The following GBE1 variants were observed in gnomAD, a reference collection of about 807,000 sequenced individuals.
GBE1 encodes 1,4-alpha-glucan-branching enzyme.
GBE1 carries 70 observed loss-of-function variants against 88.8 expected under a neutral mutation model. The observed-to-expected ratio is 0.79, with a 90% CI of 0.65 to 0.96. The LOEUF is 0.96. Ranked by LOEUF, GBE1 falls within the 40% of genes least tolerant of loss-of-function variation. The probability of loss-of-function intolerance (pLI) is 0.00; values close to 1 mark genes in which losing one functional copy is unlikely to be tolerated. For missense variants in GBE1, 872 were observed against 871.0 expected (o/e 1.00, Z -0.01); for synonymous variants, 284 against 300.1 (o/e 0.95, Z 0.56).
chr3:81,643,481 G>A (rs932907515), intron 6 of GBE1, among the ~76,000 whole-genome samples: 3 of 152,164 alleles, frequency 2.0e-5, no homozygotes, highest in East Asian at 1.9e-4. Flanking sequence ...AATGTGCCAC[G>A]TTTGTCACCA....
intron 2 of GBE1, among the ~76,000 whole-genome samples, chr3:81,681,400 G>A (rs1705339847): frequency 6.6e-6 from 1 of 152,092 alleles, no homozygotes; most frequent in Non-Finnish European, 1.5e-5. Context: ...GTTTCAGCAT[G>A]TATTTGAGGT....
intron 2 of GBE1, among the ~76,000 whole-genome samples, chr3:81,690,068 C>T (rs1705497768): frequency 1.3e-5 from 2 of 152,156 alleles, no homozygotes; most frequent in Non-Finnish European, 2.9e-5. Flanking sequence ...GGTCCACTAA[C>T]AAACATTATA....
intron 1 of GBE1, among the ~76,000 whole-genome samples, chr3:81,742,096 T>C (rs1442885035): frequency 1.3e-5 from 2 of 151,968 alleles, no homozygotes; most frequent in Admixed American, 6.6e-5. Context: ...CTAGATTATG[T>C]CATTATAGCC....
chr3:81,753,281 C>A (rs975890282), intron 1 of GBE1, among the ~76,000 whole-genome samples: 2 of 152,048 alleles, frequency 1.3e-5, no homozygotes, highest in African/African-American at 4.8e-5. Context: ...CAAAGGAGCC[C>A]TGGATTCAAA....
intron 7 of GBE1, among the ~76,000 whole-genome samples, chr3:81,600,933 T>C (rs1704025066): frequency 1.3e-5 from 2 of 152,060 alleles, no homozygotes; most frequent in South Asian, 4.2e-4. Flanking sequence ...TGTGTGTGTG[T>C]TCTAGGAGTG....
chr3:81,551,004 A>T (rs372992723), intron 12 of GBE1, among the ~76,000 whole-genome samples: 2 of 152,130 alleles, frequency 1.3e-5, no homozygotes, highest in East Asian at 3.9e-4. Flanking sequence ...TGGGGTCTGT[A>T]TAGGGACCCT....
At chr3:81,727,802 A>G (rs1706133409) in intron 1 of GBE1, among the ~76,000 whole-genome samples, 1 of 152,212 alleles carries the variant, frequency 6.6e-6, no homozygotes, top group South Asian at 2.1e-4. Context: ...AAATAAATTC[A>G]TGCTGAATAA....
At chr3:81,563,052 T>C (rs1224076692) in intron 12 of GBE1, among the ~76,000 whole-genome samples, 1 of 152,072 alleles carries the variant, frequency 6.6e-6, no homozygotes, top group Non-Finnish European at 1.5e-5. Flanking sequence ...CTACGTTCTA[T>C]GAGATGACAG....
chr3:81,653,262 G>C (rs529988404), intron 3 of GBE1, among the ~76,000 whole-genome samples: 1 of 152,102 alleles, frequency 6.6e-6, no homozygotes, highest in Non-Finnish European at 1.5e-5. Flanking sequence ...TCAGGAATTT[G>C]AGACCAGCCT....
chr3:81,698,865 A>G (rs926875750), intron 2 of GBE1, among the ~76,000 whole-genome samples: 1 of 152,242 alleles, frequency 6.6e-6, no homozygotes, highest in African/African-American at 2.4e-5. Context: ...TCCATTGTAC[A>G]TATACTCCAT....
chr3:81,714,157 A>G (rs1024610539), intron 1 of GBE1, among the ~76,000 whole-genome samples: 3 of 152,294 alleles, frequency 2.0e-5, no homozygotes, highest in African/African-American at 4.8e-5. Context: ...AAAATTATCT[A>G]TTTTGAACCC....
At chr3:81,641,987 T>G (rs2107057926) in intron 7 of GBE1, among the ~76,000 whole-genome samples, 1 of 150,846 alleles carries the variant, frequency 6.6e-6, no homozygotes, top group African/African-American at 2.4e-5. Flanking sequence ...TATTATACAT[T>G]ACTTGATACT....
In GBE1 at chr3:81,685,724, T is replaced by C. The variant is rs1705427485; in HGVS notation, c.314-14771A>G. On this transcript the variant is annotated intron_variant, in intron 2 of 15. Coordinates refer to ENST00000429644, the MANE Select transcript of GBE1 (RefSeq NM_000158.4). ...TCTCTTTTGTACATTTTTTTTCTAATGTTCTGATGTTTTCAAACATGCCCT... is the reference window on the plus strand; with the variant it reads ...TCTCTTTTGTACATTTTTTTTCTAACGTTCTGATGTTTTCAAACATGCCCT... 5.3e-5 allele frequency among the ~76,000 whole-genome samples: 8 copies of C among 152,188 alleles called. No individual in the cohort carries two copies. The South Asian group carries it at 1.7e-3, about 32-fold the overall frequency.
At chr3:81,518,354 C>A (rs575625153) in intron 14 of GBE1, among the ~76,000 whole-genome samples, 2 of 141,960 alleles carry the variant, frequency 1.4e-5, no homozygotes, top group Non-Finnish European at 3.2e-5. Flanking sequence ...GGCCCCTGGT[C>A]CCCCTTCAAG....
chr3:81,739,759 C>A (rs1020465518), intron 1 of GBE1, among the ~76,000 whole-genome samples: 25 of 152,112 alleles, frequency 1.6e-4, no homozygotes, highest in Non-Finnish European at 2.8e-4. Flanking sequence ...GCCAATTTTA[C>A]CTTGGCTTAT....
rs897989760 is a variant in GBE1 at position 81,761,640 on chromosome 3, A to G, written c.-123T>C. On this transcript the variant is annotated 5_prime_UTR_variant, in exon 1 of 16. Coordinates refer to ENST00000429644, the MANE Select transcript of GBE1 (RefSeq NM_000158.4). ...GGAGGGCGCCTAGGCGTGTCGAGGC[A>G]AGCCGAGGCGAGCCGCGGCGGTCCG... 4.8e-6 allele frequency: 6 copies of G among 1,260,408 alleles called. No individual in the cohort carries two copies. The highest frequency in any genetic ancestry group is 5.0e-5 in the Admixed American group (2 of 40,076). The allele number at this position is 1,260,408 out of a possible 1,614,324, so 78.1% of individuals were successfully genotyped here. A position where few individuals can be genotyped will look rare whatever the true frequency, so the allele number is the denominator to read the frequency against.
chr3:81,524,078 G>C (rs1460208712), intron 14 of GBE1, among the ~76,000 whole-genome samples: 1 of 151,780 alleles, frequency 6.6e-6, no homozygotes, highest in Non-Finnish European at 1.5e-5. Flanking sequence ...TCTCCATACT[G>C]TTCTCCATAC....
intron 1 of GBE1, among the ~76,000 whole-genome samples, chr3:81,715,099 G>C (rs193031731): frequency 3.9e-5 from 6 of 152,214 alleles, no homozygotes; most frequent in Admixed American, 2.6e-4. Flanking sequence ...AGGCTCCAAA[G>C]GACAAACTTT....
intron 1 of GBE1, among the ~76,000 whole-genome samples, chr3:81,720,003 C>G (rs1706000200): frequency 1.3e-5 from 2 of 151,994 alleles, no homozygotes; most frequent in South Asian, 4.1e-4. Context: ...ATAGGACACA[C>G]TACATTAAAA....
Sources: gnomAD v4.1 joint callset for allele counts (sites outside exome capture counted in the v4.1 genomes callset) on GRCh38, gnomAD v4.1.1 for gene constraint, MANE v1.5 for transcripts, NCBI Gene and HGNC (gene_info 2026-07-23, HGNC 2026-07-21) for gene names.